GGT1: variants seen among roughly 807,000 people sequenced by gnomAD.
GGT1 encodes the protein glutathione hydrolase 1 proenzyme.
A neutral mutation model predicts 56.0 loss-of-function variants in GGT1; 21 were observed. The observed-to-expected ratio is 0.38, with a 90% confidence interval of 0.27 to 0.54. The LOEUF is 0.54. Ranked by LOEUF, GGT1 falls within the 20% of genes least tolerant of loss-of-function variation. The probability of loss-of-function intolerance (pLI) is 0.82; values close to 1 mark genes in which losing one functional copy is unlikely to be tolerated. For missense variants in GGT1, 466 were observed against 787.0 expected, an observed-to-expected ratio of 0.59 and a Z score of 4.88; for synonymous variants, 238 against 342.6, an observed-to-expected ratio of 0.69 and a Z score of 3.37.
the GGT1 span, among the ~76,000 whole-genome samples, chr22:24,584,326 C>G: frequency 1.3e-5 from 2 of 152,198 alleles, no homozygotes; most frequent in Non-Finnish European, 1.5e-5. Flanking sequence ...CACAGCAAGT[C>G]AGGAGCAGAG....
chr22:24,611,819 GTT>G (rs1467168844), intron 5 of GGT1, among the ~76,000 whole-genome samples: 7 of 142,728 alleles, frequency 4.9e-5, no homozygotes, highest in Non-Finnish European at 1.1e-4. Flanking sequence ...GTGTGTGTGT[GTT>G]TCCAAGACAG....
chr22:24,602,035 C>T (rs1353477745), upstream of GGT1, among the ~76,000 whole-genome samples: 1 of 151,978 alleles, frequency 6.6e-6, no homozygotes, highest in Non-Finnish European at 1.5e-5. Context: ...TCACCAGCCT[C>T]CCAGGGCTCT....
upstream of GGT1, among the ~76,000 whole-genome samples, chr22:24,590,641 C>T (rs1410113739): frequency 1.3e-5 from 2 of 152,252 alleles, no homozygotes; most frequent in East Asian, 3.9e-4. Flanking sequence ...CCCAGTGTTC[C>T]CTTCAGATCC....
chr22:24,586,792 A>G, the GGT1 span, among the ~76,000 whole-genome samples: 1 of 152,180 alleles, frequency 6.6e-6, no homozygotes, highest in Non-Finnish European at 1.5e-5. Flanking sequence ...CAGCCTCCCA[A>G]AGTGCTGGGA....
At chr22:24,587,543 G>A in the GGT1 span, among the ~76,000 whole-genome samples, 1 of 152,330 alleles carries the variant, frequency 6.6e-6, no homozygotes, top group Non-Finnish European at 1.5e-5. Context: ...GACAGGGGAG[G>A]CCTGCTAGGG....
intron 5 of GGT1, among the ~76,000 whole-genome samples, chr22:24,611,531 CTATCTATCTATCATCTATCTATCTATCT>C (rs1457350250): frequency 1.5e-5 from 2 of 129,336 alleles, no homozygotes; most frequent in African/African-American, 7.2e-5. Flanking sequence ...ATCTATCTAT[CTATCTATCTATCATCTATCTATCTATCT>C]ATCTATCTAT....
chr22:24,587,801 G>A, the GGT1 span, among the ~76,000 whole-genome samples: 11 of 152,136 alleles, frequency 7.2e-5, no homozygotes, highest in South Asian at 2.1e-4. Context: ...CCACTTCTCC[G>A]AACCTGTTTC....
chr22:24,628,117 T>A lies in GGT1; in HGVS notation c.1373T>A (p.Met458Lys). The A allele has an allele frequency of 6.2e-7, 1 of 1,611,890 alleles. No individual in the cohort carries two copies. The highest frequency in any genetic ancestry group is 8.5e-7 in the Non-Finnish European group (1 of 1,179,838). ...CTCTCGTCCATGTGCCCGACGATCA[T>A]GGTGGGCCAGGACGGCCAGGTCCGG... ...QPLSSMCPTI[M>K]VGQDGQVRMV... The change falls in exon 14 of 16, where the codon ATG becomes AAG. Residue 458 changes from methionine (M) to lysine (K), a missense_variant. Physicochemically the swap from Met to Lys is moderately conservative, Grantham distance 95. Coordinates refer to ENST00000400382, the MANE Select transcript of GGT1 (RefSeq NM_001288833.2). This position sits in a 1 kb window ranked among gnomAD's most constrained non-coding sequence, Gnocchi z 5.7.
At chr22:24,588,247 C>T in the GGT1 span, 1 of 1,613,430 alleles carries the variant, frequency 6.2e-7, no homozygotes, top group Non-Finnish European at 8.5e-7. Flanking sequence ...CAGGCTGGAC[C>T]CTTGCTGCTG....
intron 11 of GGT1, among the ~76,000 whole-genome samples, chr22:24,625,561 A>G (rs1037550743): frequency 9.5e-5 from 14 of 147,092 alleles, no homozygotes; most frequent in African/African-American, 3.3e-4. Flanking sequence ...TTTTTTTTTG[A>G]GACAGAGTCT....
chr22:24,627,096 C>T (rs1049220527), intron 11 of GGT1: 35 of 619,432 alleles, frequency 5.7e-5, no homozygotes, highest in East Asian at 2.5e-4. Context: ...AGAGCAGGAC[C>T]TAAGTGTCTG....
chr22:24,588,694 C>T, the GGT1 span: 1 of 1,092,928 alleles, frequency 9.1e-7, no homozygotes, highest in African/African-American at 1.6e-5. Flanking sequence ...GGGGAGGAGG[C>T]CAGACCAGGC....
At chr22:24,586,809 G>A in the GGT1 span, among the ~76,000 whole-genome samples, 1 of 152,254 alleles carries the variant, frequency 6.6e-6, no homozygotes, top group South Asian at 2.1e-4. Flanking sequence ...GGGATTACAG[G>A]CGTGAGCCAC....
At chr22:24,625,059 A>G (rs1465810580) in intron 11 of GGT1, among the ~76,000 whole-genome samples, 3 of 152,360 alleles carry the variant, frequency 2.0e-5, no homozygotes, top group Non-Finnish European at 4.4e-5. Flanking sequence ...TGGAGTCTGC[A>G]GTGTGGATGT....
At chr22:24,587,850 TC>T in the GGT1 span, among the ~76,000 whole-genome samples, 1 of 151,630 alleles carries the variant, frequency 6.6e-6, no homozygotes, top group African/African-American at 2.4e-5. Flanking sequence ...AGAATCTGCC[TC>T]CCCCGCAACC....
At chr22:24,604,183 G>A (rs1415119526) in intron 1 of GGT1, among the ~76,000 whole-genome samples, 8 of 151,800 alleles carry the variant, frequency 5.3e-5, no homozygotes, top group African/African-American at 1.9e-4. Flanking sequence ...CCAGGCTGGG[G>A]GCTGGCAGGG....
intron 1 of GGT1, among the ~76,000 whole-genome samples, chr22:24,606,663 A>G (rs1215527638): frequency 1.3e-5 from 2 of 152,132 alleles, no homozygotes; most frequent in Admixed American, 6.5e-5. Flanking sequence ...CCCTAGGGCT[A>G]TTGAGGATCT....
In GGT1 at chr22:24,628,410, C is replaced by A; in HGVS notation, c.1563+22C>A. ...CCAGGTGGGCCGGGGGTTGGAGAAACTGAGTCAAGGTGTGGGGCCCCAGGG... is the reference window on the plus strand; with the variant it reads ...CCAGGTGGGCCGGGGGTTGGAGAAAATGAGTCAAGGTGTGGGGCCCCAGGG... On this transcript the variant is annotated intron_variant, in intron 15 of 15. Coordinates refer to ENST00000400382, the MANE Select transcript of GGT1 (RefSeq NM_001288833.2). The surrounding 1 kb of genome is among the most constrained non-coding windows in gnomAD (Gnocchi z 5.7). 3.1e-6 allele frequency: 5 copies of A among 1,608,472 alleles called. No homozygotes were observed. Among genetic ancestry groups the A allele is most frequent in the Non-Finnish European group, 4.2e-6 (5 of 1,179,864 alleles).
At chr22:24,611,402 G>A (rs917520571) in intron 5 of GGT1, among the ~76,000 whole-genome samples, 157 bp downstream of exon 5, 1 of 152,076 alleles carries the variant, frequency 6.6e-6, no homozygotes, top group Non-Finnish European at 1.5e-5. Context: ...CGAGAGCAGG[G>A]TGTGGGTCTC....
Sources: gnomAD v4.1 joint callset for allele counts (sites outside exome capture counted in the v4.1 genomes callset) on GRCh38, gnomAD v4.1.1 for gene constraint, Gnocchi (gnomAD v3.1) non-coding constraint, MANE v1.5 for transcripts, NCBI Gene and HGNC (gene_info 2026-07-23, HGNC 2026-07-21) for gene names.